Variants in KIF26B observed in about 807,000 individuals in gnomAD.
The protein encoded by KIF26B is kinesin-like protein KIF26B.
In KIF26B, 63 loss-of-function variants were observed where a neutral mutation model predicts 151.2. That is an observed-to-expected ratio of 0.42 (90% confidence interval 0.34 to 0.51). The LOEUF is 0.51. Among genes scored for constraint, KIF26B ranks in the 20% least tolerant of loss-of-function variants. The pLI is 0.07. For synonymous variants in KIF26B, 1,357 were observed against 1,262.1 expected, an observed-to-expected ratio of 1.08 and a Z score of -1.59; for missense variants, 2,813 against 2,913.6, an observed-to-expected ratio of 0.97 and a Z score of 0.79.
At chr1:245,446,342 A>C (rs1659250563) in intron 4 of KIF26B, among the ~76,000 whole-genome samples, 3 of 152,204 alleles carry the variant, frequency 2.0e-5, no homozygotes, top group Admixed American at 2.0e-4. Flanking sequence ...ACGCATGGCC[A>C]TATTAAGGTA....
chr1:245,259,409 G>C (rs1315579865), intron 2 of KIF26B, among the ~76,000 whole-genome samples: 1 of 152,128 alleles, frequency 6.6e-6, no homozygotes, highest in Non-Finnish European at 1.5e-5. Context: ...GTGTTACCAG[G>C]CAGGGTTGTG....
intron 4 of KIF26B, among the ~76,000 whole-genome samples, chr1:245,496,176 T>G (rs973916419): frequency 6.6e-6 from 1 of 152,172 alleles, no homozygotes; most frequent in African/African-American, 2.4e-5. Context: ...GAATATGAGA[T>G]GTATTGATGG....
At chr1:245,332,215 G>A (rs370252329) in intron 2 of KIF26B, among the ~76,000 whole-genome samples, 134 of 152,322 alleles carry the variant, frequency 8.8e-4, no homozygotes, top group African/African-American at 3.2e-3. Flanking sequence ...GCTGCAGACC[G>A]TCTTCTAAGA....
intron 2 of KIF26B, among the ~76,000 whole-genome samples, chr1:245,272,804 C>T (rs914339863): frequency 1.2e-4 from 18 of 151,960 alleles, no homozygotes; most frequent in African/African-American, 2.4e-4. Flanking sequence ...TGAATTGTTT[C>T]GTTTTCACAT....
chr1:245,191,250 G>A (rs111589549), intron 2 of KIF26B, among the ~76,000 whole-genome samples: 18 of 151,604 alleles, frequency 1.2e-4, no homozygotes, highest in African/African-American at 2.7e-4. Flanking sequence ...CGAGGCGGGC[G>A]GATTACCTGA....
At chr1:245,180,643 G>T (rs888952829) in intron 2 of KIF26B, among the ~76,000 whole-genome samples, 1 of 152,026 alleles carries the variant, frequency 6.6e-6, no homozygotes, top group Non-Finnish European at 1.5e-5. Flanking sequence ...CTTCAGCTGT[G>T]CTCATGTGGT....
At chr1:245,594,555 G>A (rs530519203) in intron 5 of KIF26B, among the ~76,000 whole-genome samples, 1 of 152,308 alleles carries the variant, frequency 6.6e-6, no homozygotes, top group African/African-American at 2.4e-5. Context: ...GTACCATGCT[G>A]TTTTGGTTAG....
rs2042976782 is a variant in KIF26B, at chr1:245,563,594, C to T, written c.1350+22644C>T. 1.3e-5 allele frequency among the ~76,000 whole-genome samples: 2 copies of T among 152,176 alleles called. No individual in the cohort carries two copies. The highest frequency in any genetic ancestry group is 1.3e-4 in the Admixed American group (2 of 15,274). On this transcript the variant is annotated intron_variant, in intron 5 of 14. Coordinates refer to ENST00000407071, the MANE Select transcript of KIF26B (RefSeq NM_018012.4). The surrounding 1 kb of genome is among the most constrained non-coding windows in gnomAD (Gnocchi z 4.6). ...GACAGATTCCGGAGGCCTTCAACTC[C>T]CACCTATGAAGCAGCCAGTGGCCTC...
intron 2 of KIF26B, among the ~76,000 whole-genome samples, chr1:245,300,518 A>AT (rs969683621): frequency 6.7e-6 from 1 of 149,172 alleles, no homozygotes; most frequent in Non-Finnish European, 1.5e-5. Context: ...CAAATGAATT[A>AT]TTTTTTTTCT....
chr1:245,400,442 G>C (rs1673968194), intron 3 of KIF26B, among the ~76,000 whole-genome samples: 1 of 151,086 alleles, frequency 6.6e-6, no homozygotes, highest in African/African-American at 2.4e-5. Context: ...ATTATAACCT[G>C]AGGGATGTAT....
At chr1:245,701,567 G>T (rs9651081) in intron 14 of KIF26B, among the ~76,000 whole-genome samples, 52,994 of 152,010 alleles carry the variant, frequency 0.35, 11,377 homozygotes, top group African/African-American at 0.58. Flanking sequence ...GCAGACAGCG[G>T]CCACTCTAAG....
At chr1:245,422,851 T>G (rs1425355060) in intron 4 of KIF26B, among the ~76,000 whole-genome samples, 1 of 151,968 alleles carries the variant, frequency 6.6e-6, no homozygotes, top group Non-Finnish European at 1.5e-5. Context: ...GTAATCCCAG[T>G]ACTTTGGGAG....
At chr1:245,295,633 C>A (rs1461761380) in intron 2 of KIF26B, among the ~76,000 whole-genome samples, 3 of 152,080 alleles carry the variant, frequency 2.0e-5, no homozygotes, top group Non-Finnish European at 4.4e-5. Context: ...AAGGAGGTGA[C>A]GAGAGTGAAC....
intron 3 of KIF26B, among the ~76,000 whole-genome samples, chr1:245,394,562 G>A (rs1456002078): frequency 6.6e-6 from 1 of 151,990 alleles, no homozygotes; most frequent in African/African-American, 2.4e-5. Context: ...GGCAGAGGTT[G>A]CACAGAGCCA....
chr1:245,291,326 T>C (rs1671250043), intron 2 of KIF26B, among the ~76,000 whole-genome samples: 1 of 152,224 alleles, frequency 6.6e-6, no homozygotes, highest in Admixed American at 6.5e-5. Context: ...CTTGGCATAG[T>C]GTAGGTACTC....
At position 245,598,159 on chromosome 1, in the gene KIF26B, G is replaced by T. The variant is rs535010315; in HGVS notation, c.1351-4418G>T. 3.3e-5 allele frequency among the ~76,000 whole-genome samples: 5 copies of T among 152,142 alleles called. No individual in the cohort carries two copies. In the East Asian group the frequency reaches 9.7e-4, roughly 29 times the overall value. On this transcript the variant is annotated intron_variant, in intron 5 of 14. Coordinates refer to ENST00000407071, the MANE Select transcript of KIF26B (RefSeq NM_018012.4). ...AACTCTGTAGCCTAGAACCTTGTAGGGGTAAAAACTATTTATCATCACCTA... is the reference window on the plus strand; with the variant it reads ...AACTCTGTAGCCTAGAACCTTGTAGTGGTAAAAACTATTTATCATCACCTA...
chr1:245,481,744 TATC>T (rs3068374), intron 4 of KIF26B, among the ~76,000 whole-genome samples: 26,135 of 151,638 alleles, frequency 0.17, 2,697 homozygotes, highest in Middle Eastern at 0.26. Context: ...ATACAAATGT[TATC>T]ATTACTGAGT....
At chr1:245,308,865 A>G (rs1279418187) in intron 2 of KIF26B, among the ~76,000 whole-genome samples, 1 of 152,254 alleles carries the variant, frequency 6.6e-6, no homozygotes, top group Non-Finnish European at 1.5e-5. Flanking sequence ...CGCATGTGGA[A>G]TACATACCAT....
chr1:245,313,590 G>T (rs1671704760), intron 2 of KIF26B, among the ~76,000 whole-genome samples: 1 of 152,196 alleles, frequency 6.6e-6, no homozygotes, highest in African/African-American at 2.4e-5. Context: ...CTGCAGGTCT[G>T]AGCGGTCAAA....
Sources: allele counts gnomAD v4.1 joint callset (sites outside exome capture counted in the v4.1 genomes callset), GRCh38; gene constraint gnomAD v4.1.1; non-coding constraint Gnocchi (gnomAD v3.1); transcripts MANE v1.5; gene names NCBI Gene and HGNC (gene_info 2026-07-23, HGNC 2026-07-21).